Variants in ROR1 observed in about 807,000 individuals in gnomAD.
ROR1 encodes the protein ROR family WNT receptor 1, also known as inactive tyrosine-protein kinase transmembrane receptor ROR1.
ROR1 carries 19 observed loss-of-function variants against 78.8 expected under a neutral mutation model. That is an observed-to-expected ratio of 0.24 (90% confidence interval 0.17 to 0.35). The LOEUF (loss-of-function observed/expected upper bound fraction) is 0.35, where lower values mean the gene tolerates loss of function less well. Ranked by LOEUF, ROR1 falls within the 10% of genes least tolerant of loss-of-function variation. The pLI is 1.00. For synonymous variants in ROR1, 386 were observed against 433.6 expected (o/e 0.89, Z 1.36); for missense variants, 917 against 1,177.8 (o/e 0.78, Z 3.24).
At chr1:64,152,998 T>C (rs897347616) in intron 7 of ROR1, among the ~76,000 whole-genome samples, 33 of 152,210 alleles carry the variant, frequency 2.2e-4, no homozygotes, top group Non-Finnish European at 3.5e-4. Flanking sequence ...TTTGCTAAAG[T>C]TTAAATGTGC....
rs1160611098 is a variant in ROR1 at position 64,031,582 on chromosome 1, A to T, written c.164-18109A>T. Among the ~76,000 whole-genome samples the T allele has an allele frequency of 3.3e-5, 5 of 152,236 alleles. No homozygotes were observed. The East Asian group carries it at 5.8e-4, about 18-fold the overall frequency. On this transcript the variant is annotated intron_variant, in intron 2 of 8. Transcript: ENST00000371079. ...GAGTCTCTTCATACAAATGGATCCCAGTTGGGAAGTTTATGAATGTTAAGG... is the reference window on the plus strand; with the variant it reads ...GAGTCTCTTCATACAAATGGATCCCTGTTGGGAAGTTTATGAATGTTAAGG...
chr1:63,860,666 G>C (rs1212124372), intron 1 of ROR1, among the ~76,000 whole-genome samples: 1 of 151,292 alleles, frequency 6.6e-6, no homozygotes, highest in Non-Finnish European at 1.5e-5. Context: ...CTACTCAAGA[G>C]GGTGAGGTAG....
intron 8 of ROR1, among the ~76,000 whole-genome samples, chr1:64,165,701 C>CTTTTTTT (rs576997668): frequency 5.8e-5 from 6 of 102,882 alleles, no homozygotes; most frequent in Middle Eastern, 7.2e-3. Context: ...TCGGGTTTTA[C>CTTTTTTT]TTTTTTTTTT....
chr1:64,119,017 G>A (rs1359967440), intron 4 of ROR1, among the ~76,000 whole-genome samples: 1 of 152,172 alleles, frequency 6.6e-6, no homozygotes, highest in Non-Finnish European at 1.5e-5. Context: ...ATCTCTGGCT[G>A]GCGTAACCCA....
chr1:63,979,231 A>G (rs1318628232), intron 1 of ROR1, among the ~76,000 whole-genome samples: 1 of 152,188 alleles, frequency 6.6e-6, no homozygotes, highest in Non-Finnish European at 1.5e-5. Context: ...GTGAAATTAT[A>G]TAGGTAAAAT....
intron 1 of ROR1, among the ~76,000 whole-genome samples, chr1:63,857,157 GTTTT>G (rs11421779): frequency 7.0e-6 from 1 of 142,022 alleles, no homozygotes; most frequent in Non-Finnish European, 1.6e-5. Context: ...ACTTTCAGAA[GTTTT>G]TTTTTTTTTT....
intron 4 of ROR1, among the ~76,000 whole-genome samples, chr1:64,102,731 A>G (rs1647609786): frequency 6.6e-6 from 1 of 152,168 alleles, no homozygotes; most frequent in Non-Finnish European, 1.5e-5. Context: ...TTCATTGTTA[A>G]TCTGCTCAAT....
At position 63,779,831 on chromosome 1, in the gene ROR1, C is replaced by G. The variant is rs755307436; in HGVS notation, c.91+5323C>G. The stretch of plus-strand genomic sequence containing the variant: ...ATCCCCTGCCCCCAGCCACACCCCC[C>G]AGAACACCCAGGCATGGACATCCAT... On this transcript the variant is annotated intron_variant, in intron 1 of 8. Coordinates refer to ENST00000371079, the MANE Select transcript of ROR1 (RefSeq NM_005012.4). 1.4e-4 allele frequency among the ~76,000 whole-genome samples: 21 copies of G among 152,204 alleles called. 1 individual carries two copies. In the East Asian group the frequency reaches 3.1e-3, roughly 22 times the overall value.
intron 1 of ROR1, among the ~76,000 whole-genome samples, chr1:63,943,052 C>T (rs1645853831): frequency 6.7e-6 from 1 of 149,280 alleles, no homozygotes; most frequent in Non-Finnish European, 1.5e-5. Context: ...ATTACACCAC[C>T]GCTGCACTCC....
chr1:64,130,906 C>G (rs558515487), intron 4 of ROR1, among the ~76,000 whole-genome samples: 12 of 152,320 alleles, frequency 7.9e-5, no homozygotes, highest in Middle Eastern at 3.4e-3. Flanking sequence ...AAGCTTCACA[C>G]TCAGCTCGAG....
chr1:64,056,500 C>A (rs542595400), intron 4 of ROR1, among the ~76,000 whole-genome samples: 33 of 151,920 alleles, frequency 2.2e-4, no homozygotes, highest in African/African-American at 7.0e-4. Context: ...CATGGTGAAA[C>A]CCCGTATCTA....
intron 1 of ROR1, among the ~76,000 whole-genome samples, chr1:63,955,778 C>T (rs1645976372): frequency 6.6e-6 from 1 of 152,118 alleles, no homozygotes; most frequent in South Asian, 2.1e-4. Context: ...CTAGCTTTCC[C>T]CCACCACCGT....
chr1:64,105,570 A>G (rs1296362376), intron 4 of ROR1: 3 of 152,112 alleles, frequency 2.0e-5, no homozygotes, highest in Admixed American at 6.5e-5. Flanking sequence ...GTTTTCTTCT[A>G]GGGTTTTTAT....
intron 2 of ROR1, among the ~76,000 whole-genome samples, chr1:64,039,466 G>T (rs1277756502): frequency 6.6e-6 from 1 of 152,198 alleles, no homozygotes; most frequent in East Asian, 1.9e-4. Flanking sequence ...AAATGCTTGA[G>T]AATTTATTAT....
At chr1:64,130,368 CAG>C (rs1648870516) in intron 4 of ROR1, among the ~76,000 whole-genome samples, 1 of 152,128 alleles carries the variant, frequency 6.6e-6, no homozygotes, top group African/African-American at 2.4e-5. Flanking sequence ...CTTTAGAAAG[CAG>C]AGTTTGTGAG....
intron 6 of ROR1, 55 bp downstream of exon 6, chr1:64,140,481 C>T: frequency 6.5e-7 from 1 of 1,533,868 alleles, no homozygotes; most frequent in South Asian, 1.2e-5. Flanking sequence ...AACCTGTTGG[C>T]ACAGGGAAAA....
chr1:63,879,496 G>A (rs1056139016), intron 1 of ROR1, among the ~76,000 whole-genome samples: 1 of 151,878 alleles, frequency 6.6e-6, no homozygotes, highest in Admixed American at 6.6e-5. Context: ...TTTCCTTTCT[G>A]GCAGCATTTT....
chr1:63,895,121 C>T (rs887709697), intron 1 of ROR1, among the ~76,000 whole-genome samples: 3 of 152,112 alleles, frequency 2.0e-5, no homozygotes, highest in Non-Finnish European at 4.4e-5. Context: ...AAAAGTTTAT[C>T]AAGCTTTTTA....
chr1:63,862,829 G>A (rs533103792), intron 1 of ROR1, among the ~76,000 whole-genome samples: 4 of 152,244 alleles, frequency 2.6e-5, no homozygotes, highest in Non-Finnish European at 4.4e-5. Flanking sequence ...ACCTACTTAA[G>A]GTTACCGTGA....
Sources: allele counts gnomAD v4.1 joint callset (sites outside exome capture counted in the v4.1 genomes callset), GRCh38; gene constraint gnomAD v4.1.1; transcripts MANE v1.5; gene names NCBI Gene and HGNC (gene_info 2026-07-23, HGNC 2026-07-21).